Variants in PARN observed in about 807,000 individuals in gnomAD.
PARN encodes the protein poly(A)-specific ribonuclease, also known as poly(A)-specific ribonuclease PARN.
PARN carries 71 observed loss-of-function variants against 102.8 expected under a neutral mutation model. The ratio of observed to expected loss-of-function variants is 0.69; its 90% CI spans 0.57 to 0.84. PARN has a LOEUF of 0.84. PARN is among the 40% of genes least tolerant of loss of function. The probability of loss-of-function intolerance (pLI) is 0.00; values close to 1 mark genes in which losing one functional copy is unlikely to be tolerated. For missense variants in PARN, 782 were observed against 760.9 expected (o/e 1.03, Z -0.33); for synonymous variants, 261 against 252.9 (o/e 1.03, Z -0.30).
At chr16:14,544,449 C>G (rs1255698915) in intron 21 of PARN, among the ~76,000 whole-genome samples, 1 of 152,044 alleles carries the variant, frequency 6.6e-6, no homozygotes. Context: ...GTGGCACACA[C>G]CTGTAATCTC....
At chr16:14,529,625 C>T (rs1375749752) in intron 21 of PARN, among the ~76,000 whole-genome samples, 1 of 152,148 alleles carries the variant, frequency 6.6e-6, no homozygotes, top group African/African-American at 2.4e-5. Flanking sequence ...AAAAGGTTCT[C>T]TGCTGTTCAC....
intron 23 of PARN, among the ~76,000 whole-genome samples, chr16:14,443,180 A>AT (rs2151552132): frequency 1.3e-5 from 2 of 152,280 alleles, no homozygotes; most frequent in African/African-American, 4.8e-5. Context: ...TAAACCCAAT[A>AT]AATAGTCCTT....
At chr16:14,596,612 G>A (rs1970529153) in intron 12 of PARN, among the ~76,000 whole-genome samples, 1 of 151,852 alleles carries the variant, frequency 6.6e-6, no homozygotes, top group Non-Finnish European at 1.5e-5. Context: ...GTGTGGTACT[G>A]CATGCCTGTA....
intron 22 of PARN, among the ~76,000 whole-genome samples, chr16:14,479,651 C>A (rs1033773881): frequency 6.6e-6 from 1 of 151,932 alleles, no homozygotes; most frequent in African/African-American, 2.4e-5. Flanking sequence ...TAGTGTGGTA[C>A]TGGCATAAGG....
In PARN at chr16:14,449,956, T is replaced by C. The variant is rs147890209; in HGVS notation, c.1671-2875A>G. Reference sequence around the variant, plus strand: ...CAATATCTAACAAAACTGCATACACTTCCAGGAATTTAGAAGATATACCTC... The same window carrying C: ...CAATATCTAACAAAACTGCATACACCTCCAGGAATTTAGAAGATATACCTC... On this transcript the variant is annotated intron_variant, in intron 22 of 23. Transcript: ENST00000437198. Among the ~76,000 whole-genome samples the C allele has an allele frequency of 5.7e-3, 871 of 152,332 alleles. 7 individuals are homozygous for C. The highest frequency in any genetic ancestry group is 7.4e-3 in the Non-Finnish European group (502 of 68,032).
In PARN at chr16:14,617,009, A is replaced by G. The variant is rs183618773; in HGVS notation, c.388+581T>C. On this transcript the variant is annotated intron_variant, in intron 6 of 23. Coordinates refer to ENST00000437198, the MANE Select transcript of PARN (RefSeq NM_002582.4). Reference sequence around the variant, plus strand: ...TAAAAACAGGAGTTTGAAAGGCCTTATCAGAGTTAAATGAAGTAGTATCTA... The same window carrying G: ...TAAAAACAGGAGTTTGAAAGGCCTTGTCAGAGTTAAATGAAGTAGTATCTA... Among the ~76,000 whole-genome samples the G allele has an allele frequency of 2.6e-5, 4 of 151,728 alleles. No homozygotes were observed. The East Asian group carries it at 7.8e-4, about 29-fold the overall frequency.
chr16:14,550,722 C>T (rs1231512786), intron 21 of PARN, among the ~76,000 whole-genome samples: 1 of 152,142 alleles, frequency 6.6e-6, no homozygotes, highest in Non-Finnish European at 1.5e-5. Flanking sequence ...TACTGTGCGG[C>T]ATTTTGTTAA....
intron 21 of PARN, among the ~76,000 whole-genome samples, chr16:14,498,420 A>T (rs1324129147): frequency 6.6e-6 from 1 of 152,102 alleles, no homozygotes; most frequent in African/African-American, 2.4e-5. Flanking sequence ...TGCTCCTAGC[A>T]TTGGAAGCAC....
chr16:14,551,967 G>T, intron 21 of PARN, 54 bp downstream of exon 21: 2 of 1,182,294 alleles, frequency 1.7e-6, no homozygotes, highest in South Asian at 1.3e-5. Flanking sequence ...GGGGCAGTGG[G>T]AGGGCAACCT....
chr16:14,487,402 T>C (rs922131204), intron 21 of PARN, among the ~76,000 whole-genome samples: 3 of 152,176 alleles, frequency 2.0e-5, no homozygotes, highest in African/African-American at 7.2e-5. Context: ...ACTTAAAATG[T>C]TTAGACTTTA....
intron 5 of PARN, among the ~76,000 whole-genome samples, chr16:14,617,904 AC>A (rs1567458377): frequency 6.6e-6 from 1 of 152,168 alleles, no homozygotes; most frequent in Non-Finnish European, 1.5e-5. Context: ...ACAGGGTCTC[AC>A]TATGTTGCCC....
intron 21 of PARN, among the ~76,000 whole-genome samples, chr16:14,521,298 G>A (rs1399543315): frequency 2.6e-5 from 4 of 152,154 alleles, no homozygotes; most frequent in Admixed American, 6.5e-5. Context: ...TCTTGCAGCC[G>A]TTCTCTGAAA....
At chr16:14,575,149 T>G (rs957957152) in intron 18 of PARN, among the ~76,000 whole-genome samples, 1 of 152,150 alleles carries the variant, frequency 6.6e-6, no homozygotes, top group Admixed American at 6.5e-5. Context: ...GAACTTCTGC[T>G]AGGGCAGTGC....
chr16:14,546,458 C>G (rs758838343), intron 21 of PARN, among the ~76,000 whole-genome samples: 5 of 152,250 alleles, frequency 3.3e-5, no homozygotes, highest in Non-Finnish European at 5.9e-5. Flanking sequence ...TACTGGGTAA[C>G]TTTTTATGAC....
At chr16:14,594,197 G>T (rs1418167386) in intron 12 of PARN, among the ~76,000 whole-genome samples, 1 of 152,066 alleles carries the variant, frequency 6.6e-6, no homozygotes, top group Non-Finnish European at 1.5e-5. Flanking sequence ...ATATCATTAT[G>T]TCAAAATTCA....
intron 18 of PARN, among the ~76,000 whole-genome samples, chr16:14,573,673 G>C (rs1968945303): frequency 6.6e-6 from 1 of 152,154 alleles, no homozygotes. Context: ...GTGATGGAAG[G>C]TGATTGAATT....
intron 22 of PARN, among the ~76,000 whole-genome samples, chr16:14,479,306 C>T (rs1963251871): frequency 6.6e-6 from 1 of 151,748 alleles, no homozygotes; most frequent in Admixed American, 6.6e-5. Flanking sequence ...GCTGTAGTCC[C>T]AGCTATTTGG....
At chr16:14,482,397 A>C (rs1036774964) in intron 22 of PARN, among the ~76,000 whole-genome samples, 8 of 152,170 alleles carry the variant, frequency 5.3e-5, no homozygotes, top group South Asian at 4.1e-4. Context: ...GTCTCAAAAA[A>C]AAAAAAAATT....
chr16:14,441,643 G>T (rs2151550389), intron 23 of PARN, among the ~76,000 whole-genome samples: 1 of 152,368 alleles, frequency 6.6e-6, no homozygotes, highest in South Asian at 2.1e-4. Context: ...AGGAGGAACA[G>T]GGAGGGCACA....
Sources: allele counts gnomAD v4.1 joint callset (sites outside exome capture counted in the v4.1 genomes callset), GRCh38; gene constraint gnomAD v4.1.1; transcripts MANE v1.5; gene names NCBI Gene and HGNC (gene_info 2026-07-23, HGNC 2026-07-21).